TET1: variants seen among roughly 807,000 people sequenced by gnomAD.
TET1 encodes methylcytosine dioxygenase TET1.
A neutral mutation model predicts 148.7 loss-of-function variants in TET1; 13 were observed. That is an observed-to-expected ratio of 0.09 (90% CI 0.06 to 0.14). The LOEUF (loss-of-function observed/expected upper bound fraction) is 0.14. Among genes scored for constraint, TET1 ranks in the 10% least tolerant of loss-of-function variants. The pLI, the probability that TET1 is intolerant of heterozygous loss-of-function variation, is 1.00. For synonymous variants in TET1, 907 were observed against 937.2 expected, an observed-to-expected ratio of 0.97 and a Z score of 0.59; for missense variants, 2,182 against 2,553.8, an observed-to-expected ratio of 0.85 and a Z score of 3.14.
chr10:68,597,701 A>G (rs928332160), intron 2 of TET1, among the ~76,000 whole-genome samples: 1 of 152,238 alleles, frequency 6.6e-6, no homozygotes, highest in African/African-American at 2.4e-5. Context: ...ACAAATGTCT[A>G]ACAACAGAAT....
At chr10:68,631,654 AC>A (rs1304726034) in intron 3 of TET1, among the ~76,000 whole-genome samples, 1 of 152,038 alleles carries the variant, frequency 6.6e-6, no homozygotes, top group Non-Finnish European at 1.5e-5. Flanking sequence ...AGATCTCCAA[AC>A]TTTGGCTCCA....
In TET1 at chr10:68,595,983, TACACACACAC is replaced by T. The variant is rs773605594; in HGVS notation, c.1915-4962_1915-4953del. On this transcript the variant is annotated intron_variant, in intron 2 of 11. Coordinates refer to ENST00000373644, the MANE Select transcript of TET1 (RefSeq NM_030625.3). ...ATATACACACACACACACACATATA[TACACACACAC>T]ACACACACACACACACACACACACA... Among the ~76,000 whole-genome samples the T allele has an allele frequency of 2.9e-3, 148 of 50,416 alleles. 2 individuals are homozygous for T. Among genetic ancestry groups the T allele is most frequent in the East Asian group, 0.01 (16 of 1,532 alleles). 33.1% of individuals were successfully genotyped at this position (50,416 alleles called of 152,430 possible).
chr10:68,604,234 A>G (rs1014404090), intron 3 of TET1, among the ~76,000 whole-genome samples: 2 of 151,920 alleles, frequency 1.3e-5, no homozygotes, highest in East Asian at 1.9e-4. Flanking sequence ...AGGAGTGTAT[A>G]CTCCCTTTAA....
chr10:68,607,545 G>A (rs2054143045), intron 3 of TET1, among the ~76,000 whole-genome samples: 1 of 151,356 alleles, frequency 6.6e-6, no homozygotes, highest in Non-Finnish European at 1.5e-5. Flanking sequence ...AGATTCTGTA[G>A]CCTCAGCCTC....
chr10:68,575,676 T>G (rs953877427), intron 2 of TET1, among the ~76,000 whole-genome samples: 1 of 149,928 alleles, frequency 6.7e-6, no homozygotes, highest in African/African-American at 2.5e-5. Context: ...CACTACAGCC[T>G]GGACAACAAG....
In TET1 at chr10:68,652,508, C is replaced by A. The variant is rs758787355; in HGVS notation, c.4375C>A (p.Gln1459Lys). The change falls in exon 6 of 12, where the codon CAA becomes AAA. Residue 1459 changes from glutamine (Q) to lysine (K), a missense_variant. Transcript: ENST00000373644. ...VREIMENRYG[Q>K]KGNAIRIEIV... Reference sequence around the variant, plus strand: ...ACTGTGTTTTATACTCAGGTATGGTCAAAAAGGAAACGCAATAAGGATAGA... The same window carrying A: ...ACTGTGTTTTATACTCAGGTATGGTAAAAAAGGAAACGCAATAAGGATAGA... 4.4e-6 allele frequency: 7 copies of A among 1,608,400 alleles called. No homozygotes were observed. In the East Asian group the frequency reaches 1.3e-4, roughly 31 times the overall value.
At position 68,573,380 on chromosome 10, in the gene TET1, G is replaced by T; in HGVS notation, c.1042G>T (p.Ala348Ser). 1 of 1,614,092 alleles carries T rather than the reference G, an allele frequency of 6.2e-7. No homozygotes were observed. The highest frequency in any genetic ancestry group is 1.6e-4 in the Middle Eastern group (1 of 6,062). Residue 348 changes from alanine to serine, a missense_variant, in exon 2 of 12, where the codon GCC (alanine) becomes TCC (serine). Ala to Ser is a moderately conservative substitution (Grantham distance 99, BLOSUM62 1). This residue lies in a region of TET1 where 665 missense variants were observed against 672.4 expected (regional missense o/e 0.99). Coordinates refer to ENST00000373644, the MANE Select transcript of TET1 (RefSeq NM_030625.3). ...TGGTGCTAAACCAGATCATCAAGAG[G>T]CCTTCGAAGCTACTGCAAATCAACA... is the stretch of plus-strand genomic sequence containing the variant. ...TLGAKPDHQE[A>S]FEATANQQEV...
intron 8 of TET1, chr10:68,674,907 A>G: frequency 2.6e-6 from 1 of 388,580 alleles, no homozygotes; most frequent in Non-Finnish European, 4.9e-6. Flanking sequence ...AAAGACATAG[A>G]AAAAATTCTT....
At chr10:68,569,020 C>T (rs562377163) in intron 1 of TET1, among the ~76,000 whole-genome samples, 10 of 152,046 alleles carry the variant, frequency 6.6e-5, no homozygotes, top group Non-Finnish European at 1.3e-4. Context: ...TGTATTGGAC[C>T]TGTGAGTCTT....
chr10:68,686,748 T>C, intron 11 of TET1, 41 bp downstream of exon 11: 2 of 1,538,142 alleles, frequency 1.3e-6, no homozygotes, highest in African/African-American at 1.4e-5. Context: ...ACAACTTTGA[T>C]GGATAGATGT....
intron 1 of TET1, among the ~76,000 whole-genome samples, chr10:68,562,770 A>C (rs546409412): frequency 2.4e-4 from 37 of 151,828 alleles, no homozygotes; most frequent in African/African-American, 8.5e-4. Context: ...TCCTTCTCCC[A>C]TCTGATTTGT....
intron 3 of TET1, among the ~76,000 whole-genome samples, chr10:68,624,659 TCTCTCTCTCTCTCTCTCTCTCTC>T: frequency 1.1e-5 from 1 of 94,074 alleles, no homozygotes; most frequent in African/African-American, 4.1e-5. Context: ...TTTCTTTCTT[TCTCTCTCTCTCTCTCTCTCTCTC>T]TCTCTCTCTC....
rs191060765 is a variant in TET1 at position 68,565,384 on chromosome 10, G to A, written c.-123+4642G>A. Among the ~76,000 whole-genome samples, 583 of 150,992 alleles carry A rather than the reference G, an allele frequency of 3.9e-3. 3 individuals are homozygous for A. The highest frequency in any genetic ancestry group is 0.013 in the African/African-American group (553 of 41,142). ...TAGTGCCAGCTACTTGGGAAGCTGAGGTGGGAGGATCACTTAAGCCCAGGA... is the reference window on the plus strand; with the variant it reads ...TAGTGCCAGCTACTTGGGAAGCTGAAGTGGGAGGATCACTTAAGCCCAGGA... On this transcript the variant is annotated intron_variant, in intron 1 of 11. Coordinates refer to ENST00000373644, the MANE Select transcript of TET1 (RefSeq NM_030625.3).
At chr10:68,668,179 C>G (rs2055219855) in intron 7 of TET1, among the ~76,000 whole-genome samples, 3 of 152,096 alleles carry the variant, frequency 2.0e-5, no homozygotes, top group African/African-American at 7.2e-5. Flanking sequence ...AACTCTTATT[C>G]TGTGATATAA....
At position 68,573,609 on chromosome 10, in the gene TET1, G is replaced by A. The variant is rs372145516; in HGVS notation, c.1271G>A (p.Ser424Asn). 3.0e-5 allele frequency: 48 copies of A among 1,614,068 alleles called. No individual in the cohort carries two copies. The highest frequency in any genetic ancestry group is 1.6e-4 in the Middle Eastern group (1 of 6,084). ...DQQETLGMSG[S>N]VVPDLPVFLP... is the part of the protein sequence containing the mutation. ...CAAGAAACTCTTGGTATGAGTGGGAGTGTTGTCCCAGACTTGCCTGTCTTC... is the reference window on the plus strand; with the variant it reads ...CAAGAAACTCTTGGTATGAGTGGGAATGTTGTCCCAGACTTGCCTGTCTTC... Residue 424 changes from serine to asparagine, a missense_variant, in exon 2 of 12, where the codon AGT becomes AAT. Transcript: ENST00000373644.
chr10:68,561,090 G>A (rs1299863838), intron 1 of TET1, among the ~76,000 whole-genome samples: 3 of 152,160 alleles, frequency 2.0e-5, no homozygotes, highest in Non-Finnish European at 4.4e-5. Context: ...CAAGTGTGGC[G>A]TGGGGGAGAT....
At chr10:68,571,890 T>G (rs1196569577) in intron 1 of TET1, among the ~76,000 whole-genome samples, 3 of 151,854 alleles carry the variant, frequency 2.0e-5, no homozygotes, top group African/African-American at 4.8e-5. Context: ...GAGGCCAAGG[T>G]GGGTGGATGG....
intron 2 of TET1, among the ~76,000 whole-genome samples, chr10:68,599,326 C>T (rs1412989583): frequency 6.6e-6 from 1 of 152,212 alleles, no homozygotes; most frequent in East Asian, 1.9e-4. Context: ...GGCTGTCTTC[C>T]CCAGATCTGT....
At position 68,573,074 on chromosome 10, in the gene TET1, G is replaced by A. The variant is rs1477676976; in HGVS notation, c.736G>A (p.Asp246Asn). ...TGGTTCCCCAAAAATGTTTGCTCAG[G>A]ACACAGTGTGTGCTCCTTTTCCCCA... The part of the protein sequence containing the change: ...TSGSPKMFAQ[D>N]TVCAPFPQRA... Residue 246 changes from aspartate (D) to asparagine (N), a missense_variant, in exon 2 of 12, where the codon GAC becomes AAC. Asp to Asn is a conservative substitution (Grantham distance 23). Coordinates refer to ENST00000373644, the MANE Select transcript of TET1 (RefSeq NM_030625.3). 1 of 1,614,098 alleles carries A rather than the reference G, an allele frequency of 6.2e-7. No individual in the cohort carries two copies. The highest frequency in any genetic ancestry group is 8.5e-7 in the Non-Finnish European group (1 of 1,180,026).
Sources: allele counts gnomAD v4.1 joint callset (sites outside exome capture counted in the v4.1 genomes callset), GRCh38; gene constraint gnomAD v4.1.1; regional missense constraint gnomAD v4.1.1; transcripts MANE v1.5; gene names NCBI Gene and HGNC (gene_info 2026-07-23, HGNC 2026-07-21).